TSHZ2: variants seen among roughly 807,000 people sequenced by gnomAD.
The protein encoded by TSHZ2 is teashirt homolog 2.
Under a neutral mutation model 74.4 loss-of-function variants are expected in TSHZ2, and 21 were observed. The observed-to-expected ratio is 0.28, with a 90% CI of 0.20 to 0.41. TSHZ2 has a LOEUF of 0.41. Among genes scored for constraint, TSHZ2 ranks in the 10% least tolerant of loss-of-function variants. TSHZ2 has a pLI of 1.00. For missense variants in TSHZ2, 1,244 were observed against 1,293.5 expected (o/e 0.96, Z 0.59); for synonymous variants, 540 against 515.3 (o/e 1.05, Z -0.65).
chr20:53,431,177 AG>A (rs1222932291), intron 2 of TSHZ2, among the ~76,000 whole-genome samples: 5 of 151,502 alleles, frequency 3.3e-5, no homozygotes, highest in Admixed American at 2.0e-4. Context: ...AAAGGCACTT[AG>A]GGCTGGGTGC....
At chr20:53,092,467 TC>T (rs1394851394) in intron 1 of TSHZ2, among the ~76,000 whole-genome samples, 1 of 152,186 alleles carries the variant, frequency 6.6e-6, no homozygotes, top group Non-Finnish European at 1.5e-5. Context: ...AGTATATTTT[TC>T]CCTCAAGACC....
chr20:53,162,193 G>A (rs1045904711), intron 1 of TSHZ2, among the ~76,000 whole-genome samples: 1 of 152,126 alleles, frequency 6.6e-6, no homozygotes, highest in African/African-American at 2.4e-5. Context: ...AAATAAAAGA[G>A]ACTCGCCTCA....
rs76049771 is a variant in TSHZ2, at chr20:53,345,946, G to A, written c.*8+89375G>A. The stretch of plus-strand genomic sequence containing the variant: ...CAAGAGCATGCCGGTCACTCAAGAG[G>A]GGCCGACCCACTCCGAGGACAGGGA... On this transcript the variant is annotated intron_variant, in intron 2 of 2. Coordinates refer to ENST00000371497, the MANE Select transcript of TSHZ2 (RefSeq NM_173485.6). Among the ~76,000 whole-genome samples, 599 of 152,248 alleles carry A rather than the reference G, an allele frequency of 3.9e-3. 4 individuals carry two copies. The highest frequency in any genetic ancestry group is 0.014 in the African/African-American group (569 of 41,540).
At chr20:53,215,739 A>T (rs1989420925) in intron 1 of TSHZ2, among the ~76,000 whole-genome samples, 1 of 151,676 alleles carries the variant, frequency 6.6e-6, no homozygotes, top group Non-Finnish European at 1.5e-5. Flanking sequence ...ATGGTGGCAC[A>T]TGCCTGTAAT....
At chr20:53,356,157 T>G (rs543703144) in intron 2 of TSHZ2, among the ~76,000 whole-genome samples, 1 of 152,214 alleles carries the variant, frequency 6.6e-6, no homozygotes, top group Non-Finnish European at 1.5e-5. Flanking sequence ...TTGACAACAT[T>G]CTACCTTAAT....
intron 2 of TSHZ2, among the ~76,000 whole-genome samples, chr20:53,436,984 T>A (rs1984108172): frequency 6.6e-6 from 1 of 152,206 alleles, no homozygotes; most frequent in African/African-American, 2.4e-5. Flanking sequence ...ATGTTTTCTA[T>A]ATTTCAAAGC....
At chr20:53,336,142 C>A (rs1473646670) in intron 2 of TSHZ2, among the ~76,000 whole-genome samples, 1 of 152,114 alleles carries the variant, frequency 6.6e-6, no homozygotes, top group Non-Finnish European at 1.5e-5. Flanking sequence ...TTAAAAGAAA[C>A]CTTCATTAAG....
chr20:53,263,469 A>G (rs1990643580), intron 2 of TSHZ2, among the ~76,000 whole-genome samples: 1 of 152,242 alleles, frequency 6.6e-6, no homozygotes, highest in South Asian at 2.1e-4. Flanking sequence ...GGAAGCTAGG[A>G]GGCCTTGCAC....
At chr20:53,188,905 T>TTA in intron 1 of TSHZ2, among the ~76,000 whole-genome samples, 1 of 152,182 alleles carries the variant, frequency 6.6e-6, no homozygotes, top group Admixed American at 6.5e-5. Flanking sequence ...ATTAGTGCAT[T>TTA]TAATCCTTAT....
chr20:53,310,053 T>C (rs539413330), intron 2 of TSHZ2, among the ~76,000 whole-genome samples: 146 of 152,368 alleles, frequency 9.6e-4, no homozygotes, highest in Non-Finnish European at 2.0e-3. Context: ...GGAATGTTTT[T>C]TCTCCACCTG....
chr20:53,347,259 T>C (rs890168667), intron 2 of TSHZ2, among the ~76,000 whole-genome samples: 3 of 152,184 alleles, frequency 2.0e-5, no homozygotes, highest in East Asian at 3.8e-4. Flanking sequence ...CTCCACCCAC[T>C]AAAAGCCAGT....
intron 1 of TSHZ2, among the ~76,000 whole-genome samples, chr20:53,071,815 G>A (rs1390994041): frequency 3.3e-5 from 5 of 152,202 alleles, no homozygotes; most frequent in African/African-American, 9.7e-5. Flanking sequence ...GTAGTACTGT[G>A]TGTATCTGTC....
intron 1 of TSHZ2, among the ~76,000 whole-genome samples, chr20:53,116,773 T>G (rs553431142): frequency 6.6e-6 from 1 of 152,332 alleles, no homozygotes; most frequent in East Asian, 1.9e-4. Context: ...TGAATGGCAT[T>G]TTTTAATTCT....
At chr20:53,196,692 A>C (rs1173927541) in intron 1 of TSHZ2, among the ~76,000 whole-genome samples, 1 of 152,364 alleles carries the variant, frequency 6.6e-6, no homozygotes, top group Non-Finnish European at 1.5e-5. Context: ...AAAAATATAT[A>C]TACGATCTTA....
At chr20:53,430,869 C>T (rs777207772) in intron 2 of TSHZ2, among the ~76,000 whole-genome samples, 2 of 152,092 alleles carry the variant, frequency 1.3e-5, no homozygotes, top group Non-Finnish European at 2.9e-5. Context: ...GATTCTCCTG[C>T]CTCAGCCTCC....
chr20:53,104,356 G>A (rs796828166), intron 1 of TSHZ2, among the ~76,000 whole-genome samples: 9 of 152,300 alleles, frequency 5.9e-5, no homozygotes, highest in African/African-American at 2.2e-4. Context: ...TTTCCCCACT[G>A]TTAGAGGCCA....
chr20:53,469,062 T>TATATAC (rs1985662737), intron 2 of TSHZ2, among the ~76,000 whole-genome samples: 1 of 123,528 alleles, frequency 8.1e-6, no homozygotes, highest in Non-Finnish European at 1.7e-5. Context: ...TATATATATA[T>TATATAC]ATATATATAT....
chr20:53,334,635 C>G (rs1979868486), intron 2 of TSHZ2, among the ~76,000 whole-genome samples: 2 of 151,898 alleles, frequency 1.3e-5, no homozygotes, highest in Non-Finnish European at 2.9e-5. Flanking sequence ...TTGCCTTCTA[C>G]TAAGTGAAAT....
chr20:53,146,909 A>T (rs906098419), intron 1 of TSHZ2, among the ~76,000 whole-genome samples: 2 of 152,298 alleles, frequency 1.3e-5, no homozygotes, highest in Admixed American at 1.3e-4. Flanking sequence ...CGTATTAATA[A>T]CTGCAACAAC....
Sources: allele counts gnomAD v4.1 joint callset (sites outside exome capture counted in the v4.1 genomes callset), GRCh38; gene constraint gnomAD v4.1.1; transcripts MANE v1.5; gene names NCBI Gene and HGNC (gene_info 2026-07-23, HGNC 2026-07-21).